HSF2BP: variants seen among roughly 807,000 people sequenced by gnomAD.
HSF2BP encodes heat shock factor 2-binding protein.
A neutral mutation model predicts 35.0 loss-of-function variants in HSF2BP; 35 were observed. The ratio of observed to expected loss-of-function variants is 1.00; its 90% confidence interval spans 0.76 to 1.32. The LOEUF is 1.32. Among genes scored for constraint, HSF2BP ranks in the 40% most tolerant of loss-of-function variants. The probability of loss-of-function intolerance (pLI) is 0.00; values close to 1 mark genes in which losing one functional copy is unlikely to be tolerated. For missense variants in HSF2BP, 326 were observed against 321.7 expected (o/e 1.01, Z -0.10); for synonymous variants, 114 against 117.4 (o/e 0.97, Z 0.18).
chr21:43,468,057 A>C, the HSF2BP span, among the ~76,000 whole-genome samples: 1 of 129,960 alleles, frequency 7.7e-6, no homozygotes, highest in Non-Finnish European at 1.6e-5. Context: ...ACCATACCAC[A>C]CACACCATAC....
intron 5 of HSF2BP, among the ~76,000 whole-genome samples, chr21:43,631,465 C>T (rs927314439): frequency 8.5e-5 from 13 of 152,152 alleles, no homozygotes; most frequent in African/African-American, 3.1e-4. Flanking sequence ...TCCAGCCAGA[C>T]CAGCTAGAAT....
intron 2 of HSF2BP, 39 bp downstream of exon 2, chr21:43,658,022 T>C (rs1202477054): frequency 3.9e-5 from 60 of 1,535,244 alleles, no homozygotes; most frequent in Non-Finnish European, 4.9e-5. Context: ...ATGGCGACGG[T>C]TCAAACACGC....
chr21:43,611,609 GAGA>G (rs1388282997), intron 7 of HSF2BP, among the ~76,000 whole-genome samples: 1 of 152,210 alleles, frequency 6.6e-6, no homozygotes, highest in African/African-American at 2.4e-5. Flanking sequence ...AGAGCACCAG[GAGA>G]AGGTCTCTAG....
At chr21:43,587,036 C>G (rs1256975363) in intron 8 of HSF2BP, among the ~76,000 whole-genome samples, 1 of 152,206 alleles carries the variant, frequency 6.6e-6, no homozygotes, top group Non-Finnish European at 1.5e-5. Flanking sequence ...TAGTCCTAAG[C>G]AGTTATGATT....
chr21:43,584,291 C>T (rs191917264), intron 8 of HSF2BP, among the ~76,000 whole-genome samples: 2 of 152,270 alleles, frequency 1.3e-5, no homozygotes, highest in East Asian at 3.8e-4. Context: ...CTCTGGACAG[C>T]CAATGTGTAG....
chr21:43,657,615 C>T (rs913849481), intron 2 of HSF2BP, among the ~76,000 whole-genome samples: 2 of 152,362 alleles, frequency 1.3e-5, no homozygotes, highest in Admixed American at 6.5e-5. Flanking sequence ...GATGTGAACA[C>T]GGATCTGGCC....
At position 43,579,924 on chromosome 21, in the gene HSF2BP, G is replaced by A. The variant is rs935684278; in HGVS notation, c.796+12301C>T. 3.3e-5 allele frequency among the ~76,000 whole-genome samples: 5 copies of A among 152,310 alleles called. No individual in the cohort carries two copies. The East Asian group carries it at 9.6e-4, about 29-fold the overall frequency. On this transcript the variant is annotated intron_variant, in intron 8 of 8. Transcript: ENST00000291560. ...ACAGTGTTTATATCTCTATTTTGTGGATGACAGAATATCATGGAAGTGAAG... is the reference window on the plus strand; with the variant it reads ...ACAGTGTTTATATCTCTATTTTGTGAATGACAGAATATCATGGAAGTGAAG...
At chr21:43,579,082 A>C (rs2081685654) in intron 8 of HSF2BP, among the ~76,000 whole-genome samples, 1 of 152,194 alleles carries the variant, frequency 6.6e-6, no homozygotes, top group South Asian at 2.1e-4. Context: ...CATCTCCTAA[A>C]GGGTTTCTTT....
intron 4 of HSF2BP, among the ~76,000 whole-genome samples, chr21:43,643,148 T>C (rs1601716943): frequency 6.6e-6 from 1 of 152,194 alleles, no homozygotes; most frequent in Non-Finnish European, 1.5e-5. Flanking sequence ...TTAAGAAATA[T>C]TAGTTTCTCT....
chr21:43,573,299 G>A (rs925739499), intron 8 of HSF2BP, among the ~76,000 whole-genome samples: 3 of 152,232 alleles, frequency 2.0e-5, no homozygotes, highest in Admixed American at 2.0e-4. Flanking sequence ...CCAGCTGTGT[G>A]GTGGGCCCAT....
chr21:43,467,315 T>C, the HSF2BP span: 1 of 18,690 alleles, frequency 5.4e-5, no homozygotes, highest in African/African-American at 2.5e-4. Flanking sequence ...CTGCCAGTCC[T>C]GCCCCCTGGA....
At chr21:43,644,439 C>A (rs1449723146) in intron 3 of HSF2BP, 47 bp from the exon 4 acceptor site, 1 of 1,441,018 alleles carries the variant, frequency 6.9e-7, no homozygotes, top group Admixed American at 1.7e-5. Context: ...AGTCACTAAT[C>A]TCTCCCTAAG....
intron 8 of HSF2BP, among the ~76,000 whole-genome samples, chr21:43,591,396 G>A (rs1413961578): frequency 1.3e-5 from 2 of 152,158 alleles, no homozygotes; most frequent in Non-Finnish European, 2.9e-5. Flanking sequence ...AGAGTACTGT[G>A]CTGTAATAGA....
chr21:43,657,969 G>C (rs1297210894), intron 2 of HSF2BP, 92 bp downstream of exon 2: 22 of 1,525,552 alleles, frequency 1.4e-5, no homozygotes, highest in Non-Finnish European at 1.8e-5. Context: ...ACGCGACAGC[G>C]AGCCGTCTCC....
chr21:43,602,839 T>A (rs1324642588), intron 7 of HSF2BP, among the ~76,000 whole-genome samples: 1 of 152,148 alleles, frequency 6.6e-6, no homozygotes, highest in African/African-American at 2.4e-5. Flanking sequence ...CATTCAGGAA[T>A]GTGGGTAGCT....
intron 7 of HSF2BP, among the ~76,000 whole-genome samples, chr21:43,599,723 G>A (rs563232845): frequency 9.2e-5 from 14 of 152,144 alleles, no homozygotes; most frequent in African/African-American, 3.4e-4. Context: ...GAACCCGGGA[G>A]GCAGAGGTTG....
intron 8 of HSF2BP, among the ~76,000 whole-genome samples, chr21:43,577,842 C>T (rs2081663251): frequency 6.6e-6 from 1 of 152,216 alleles, no homozygotes. Context: ...TATGACAATA[C>T]ACCCTCCCTG....
intron 6 of HSF2BP, among the ~76,000 whole-genome samples, chr21:43,624,564 G>A (rs1048312606): frequency 2.0e-5 from 3 of 152,126 alleles, no homozygotes; most frequent in East Asian, 1.9e-4. Flanking sequence ...GAGCAGCCAC[G>A]GTCACTGACA....
intron 7 of HSF2BP, among the ~76,000 whole-genome samples, chr21:43,606,486 T>C (rs183650147): frequency 2.0e-5 from 3 of 151,546 alleles, no homozygotes; most frequent in Middle Eastern, 3.4e-3. Flanking sequence ...GGAACAATGG[T>C]AGGAAAAGGA....
Sources: allele counts gnomAD v4.1 joint callset (sites outside exome capture counted in the v4.1 genomes callset), GRCh38; gene constraint gnomAD v4.1.1; transcripts MANE v1.5; gene names NCBI Gene and HGNC (gene_info 2026-07-23, HGNC 2026-07-21).